Variants in TBX2 observed in about 807,000 individuals in gnomAD.
TBX2 encodes T-box transcription factor 2.
Under a neutral mutation model 48.4 loss-of-function variants are expected in TBX2, and 19 were observed. The observed-to-expected ratio is 0.39, with a 90% CI of 0.27 to 0.58. TBX2 has a LOEUF of 0.58. TBX2 is among the 20% of genes least tolerant of loss of function. TBX2 has a pLI of 0.54. For missense variants in TBX2, 994 were observed against 1,006.5 expected, an observed-to-expected ratio of 0.99 and a Z score of 0.17; for synonymous variants, 522 against 459.7, an observed-to-expected ratio of 1.14 and a Z score of -1.73.
intron 2 of TBX2, 117 bp downstream of exon 2, chr17:61,402,068 G>A (rs2060265920): frequency 7.0e-7 from 1 of 1,433,702 alleles, no homozygotes; most frequent in East Asian, 2.4e-5. Flanking sequence ...AACCCCCAGA[G>A]TGCCCCTGCC....
chr17:61,404,517 A>C lies in TBX2; in HGVS notation c.887+20A>C, dbSNP rs1470300787. 1.2e-6 allele frequency: 2 copies of C among 1,609,226 alleles called. No individual in the cohort carries two copies. Among genetic ancestry groups the C allele is most frequent in the Non-Finnish European group, 8.5e-7 (1 of 1,178,102 alleles). Reference sequence around the variant, plus strand: ...GAAAAGGTGAGAGGCCGAGGACAGCAGCCCTGTGGCGGGTGCCCGCGGGAG... The same window carrying C: ...GAAAAGGTGAGAGGCCGAGGACAGCCGCCCTGTGGCGGGTGCCCGCGGGAG... On this transcript the variant is annotated intron_variant, in intron 4 of 6. Coordinates refer to ENST00000240328, the MANE Select transcript of TBX2 (RefSeq NM_005994.4).
Position 61,401,627 on chromosome 17 carries a change from T to G in TBX2, c.396-57T>G, listed in dbSNP as rs2060264147. On this transcript the variant is annotated intron_variant, in intron 1 of 6. Coordinates refer to ENST00000240328, the MANE Select transcript of TBX2 (RefSeq NM_005994.4). ...AGGGATAAATAAAGGAGGAGTGGGG[T>G]CCTGGAACCTAGAACAGCCGGTTCC... 2.6e-6 allele frequency: 4 copies of G among 1,559,712 alleles called. No homozygotes were observed. The African/African-American group carries it at 5.4e-5, about 21-fold the overall frequency.
At chr17:61,402,973 A>C in intron 2 of TBX2, 88 bp from the exon 3 acceptor site, 1 of 1,108,324 alleles carries the variant, frequency 9.0e-7, no homozygotes, top group Non-Finnish European at 1.2e-6. Flanking sequence ...AGAGAGAGAA[A>C]GTGGAGAGGA....
At chr17:61,402,193 C>G (rs1258228032) in intron 2 of TBX2, among the ~76,000 whole-genome samples, 1 of 152,210 alleles carries the variant, frequency 6.6e-6, no homozygotes, top group African/African-American at 2.4e-5. Context: ...ATCTCAGTTC[C>G]TCAGGCCGTG....
In TBX2 at chr17:61,405,767, C is replaced by T; in HGVS notation, c.1617C>T (p.Pro539=). The change falls in exon 6 of 7, where the codon CCC becomes CCT. Residue 539 remains proline (P), a synonymous_variant. Coordinates refer to ENST00000240328, the MANE Select transcript of TBX2 (RefSeq NM_005994.4). The stretch of plus-strand genomic sequence containing the variant: ...GGCTGGACGCAGGCGGGCTGGGTCC[C>T]GCGGCCAGCGCAGCAAGCACCGCCG... The part of the protein sequence containing the change: ...AAGLDAGGLG[P]AASAASTAAP... The T allele has an allele frequency of 7.5e-7, 1 of 1,332,150 alleles. No individual in the cohort carries two copies. The allele number at this position is 1,332,150 out of a possible 1,614,324, so 82.5% of individuals were successfully genotyped here.
In TBX2 at chr17:61,400,106, C is replaced by T; in HGVS notation, c.-71C>T. On this transcript the variant is annotated 5_prime_UTR_variant, in exon 1 of 7. Coordinates refer to ENST00000240328, the MANE Select transcript of TBX2 (RefSeq NM_005994.4). The surrounding 1 kb of genome is among the most constrained non-coding windows in gnomAD (Gnocchi z 9.2). ...TCCGTCCACCGCGCGCGCCGCCGCC[C>T]GGGCCGGGGGTCCGAGCCGCGCGCC... is the stretch of plus-strand genomic sequence containing the variant. 1.1e-6 allele frequency: 1 copy of T among 877,084 alleles called. No individual in the cohort carries two copies. The highest frequency in any genetic ancestry group is 1.4e-6 in the Non-Finnish European group (1 of 733,740). 54.3% of individuals were successfully genotyped at this position (877,084 alleles called of 1,614,324 possible). A position where few individuals can be genotyped will look rare whatever the true frequency, so the allele number is the denominator to read the frequency against.
chr17:61,401,082 T>C (rs1043475351), intron 1 of TBX2, among the ~76,000 whole-genome samples: 6 of 151,968 alleles, frequency 3.9e-5, no homozygotes, highest in Admixed American at 1.3e-4. Context: ...GGGAGCCCTT[T>C]CTCCACCGCG....
chr17:61,401,525 C>T (rs2060263648), intron 1 of TBX2, among the ~76,000 whole-genome samples, 159 bp from the exon 2 acceptor site: 1 of 152,026 alleles, frequency 6.6e-6, no homozygotes. Flanking sequence ...CAGGTGGGGT[C>T]GTCCGGGCAG....
chr17:61,404,288 C>A, intron 3 of TBX2, 133 bp from the exon 4 acceptor site: 1 of 1,152,170 alleles, frequency 8.7e-7, no homozygotes, highest in Non-Finnish European at 1.2e-6. Context: ...GCGTCCCATC[C>A]CAGGCGGGTG....
chr17:61,408,015 G>A, intron 6 of TBX2, 39 bp from the exon 7 acceptor site: 1 of 1,523,726 alleles, frequency 6.6e-7, no homozygotes. Flanking sequence ...AAGACTTCAG[G>A]CAAGATGTCT....
In TBX2 at chr17:61,408,104, C is replaced by T. The variant is rs2060295979; in HGVS notation, c.1737C>T (p.Tyr579=). Residue 579 remains tyrosine, a synonymous_variant, in exon 7 of 7, where the codon TAC becomes TAT. Coordinates refer to ENST00000240328, the MANE Select transcript of TBX2 (RefSeq NM_005994.4). ...FGGLFPYPYT[Y]MAAAAAAASA... ...GCCTCTTCCCCTACCCCTACACCTA[C>T]ATGGCAGCAGCAGCCGCAGCCGCCT... The T allele has an allele frequency of 6.2e-7, 1 of 1,610,614 alleles. No homozygotes were observed. Among genetic ancestry groups the T allele is most frequent in the South Asian group, 1.1e-5 (1 of 90,680 alleles).
In TBX2 at chr17:61,405,198, G is replaced by A. The variant is rs780284976; in HGVS notation, c.1052-4G>A. On this transcript the variant is annotated splice_polypyrimidine_tract_variant and splice_region_variant and intron_variant, in intron 5 of 6. Transcript: ENST00000240328. The stretch of plus-strand genomic sequence containing the variant: ...CCTGTAATCCGCGCGCCCTCTCCCC[G>A]CAGCTGAGGAGAAGTCGTGCGCCGC... The A allele has an allele frequency of 4.6e-6, 7 of 1,509,766 alleles. No homozygotes were observed. The East Asian group carries it at 1.7e-4, about 36-fold the overall frequency. The allele number at this position is 1,509,766 out of a possible 1,614,324, so 93.5% of individuals were successfully genotyped here.
At chr17:61,402,020 G>C in intron 2 of TBX2, 69 bp downstream of exon 2, 1 of 1,516,576 alleles carries the variant, frequency 6.6e-7, no homozygotes, top group Non-Finnish European at 8.8e-7. Context: ...GAGCAGGAGA[G>C]CAGGGCGGCA....
rs1366967129 is a variant in TBX2, at chr17:61,406,133, G to C, written c.1686+297G>C. Reference sequence around the variant, plus strand: ...CCCTATAGCCCCAGCGAGGAGTGCGGTGCCCATCGAGACTCTTCTCACCCT... The same window carrying C: ...CCCTATAGCCCCAGCGAGGAGTGCGCTGCCCATCGAGACTCTTCTCACCCT... On this transcript the variant is annotated intron_variant, in intron 6 of 6. Coordinates refer to ENST00000240328, the MANE Select transcript of TBX2 (RefSeq NM_005994.4). This position sits in a 1 kb window ranked among gnomAD's most constrained non-coding sequence, Gnocchi z 5.7. 3.1e-6 allele frequency: 1 copy of C among 327,312 alleles called. No individual in the cohort carries two copies. The highest frequency in any genetic ancestry group is 5.5e-6 in the Non-Finnish European group (1 of 180,986). 20.3% of individuals were successfully genotyped at this position (327,312 alleles called of 1,614,324 possible). A position where few individuals can be genotyped will look rare whatever the true frequency, so the allele number is the denominator to read the frequency against.
intron 1 of TBX2, 75 bp from the exon 2 acceptor site, chr17:61,401,605 GATAA>G (rs2060264008): frequency 7.2e-6 from 11 of 1,521,128 alleles, no homozygotes; most frequent in East Asian, 2.3e-5. Context: ...AACGAGGAGG[GATAA>G]ATAAAGGAGG....
rs1439793919 is a variant in TBX2, at chr17:61,404,814, G to C, written c.1051+45G>C. 1.0e-5 allele frequency: 14 copies of C among 1,356,726 alleles called. No homozygotes were observed. The Admixed American group carries it at 1.6e-4, about 15-fold the overall frequency. The allele number at this position is 1,356,726 out of a possible 1,614,324, so 84.0% of individuals were successfully genotyped here. A position where few individuals can be genotyped will look rare whatever the true frequency, so the allele number is the denominator to read the frequency against. On this transcript the variant is annotated intron_variant, in intron 5 of 6. Coordinates refer to ENST00000240328, the MANE Select transcript of TBX2 (RefSeq NM_005994.4). Reference sequence around the variant, plus strand: ...AGGGACAGGGAGGTGGCGGCGGGGGGTCCTCAGGTCGCTGGGCTGGTCTTT... The same window carrying C: ...AGGGACAGGGAGGTGGCGGCGGGGGCTCCTCAGGTCGCTGGGCTGGTCTTT...
intron 5 of TBX2, 52 bp from the exon 6 acceptor site, chr17:61,405,150 G>A (rs2060282660): frequency 2.0e-6 from 3 of 1,468,062 alleles, no homozygotes; most frequent in African/African-American, 2.8e-5. Context: ...CCCTGATCCT[G>A]CTCGTCGGCC....
chr17:61,400,328 C>A lies in TBX2; in HGVS notation c.152C>A (p.Pro51Gln), dbSNP rs757195340. ...LALPPGALAK[P>Q]LPDPGLAGAA... ...CTGCCGCCCGGCGCGCTGGCCAAGC[C>A]GCTGCCCGACCCGGGCCTGGCGGGG... Residue 51 changes from proline (P) to glutamine (Q), a missense_variant, in exon 1 of 7, where the codon CCG (proline) becomes CAG (glutamine). Pro to Gln is a moderately conservative substitution (Grantham distance 76). Coordinates refer to ENST00000240328, the MANE Select transcript of TBX2 (RefSeq NM_005994.4). The surrounding 1 kb of genome is among the most constrained non-coding windows in gnomAD (Gnocchi z 9.2). 2 of 1,019,856 alleles carry A rather than the reference C, an allele frequency of 2.0e-6. No individual in the cohort carries two copies. Among genetic ancestry groups the A allele is most frequent in the African/African-American group, 3.5e-5 (2 of 57,546 alleles). 63.2% of individuals were successfully genotyped at this position (1,019,856 alleles called of 1,614,324 possible).
intron 1 of TBX2, 108 bp from the exon 2 acceptor site, chr17:61,401,576 A>T: frequency 7.0e-7 from 1 of 1,427,900 alleles, no homozygotes; most frequent in Non-Finnish European, 9.3e-7. Context: ...GGAAACAGCC[A>T]GGCGGCAGCG....
Sources: gnomAD v4.1 joint callset for allele counts (sites outside exome capture counted in the v4.1 genomes callset) on GRCh38, gnomAD v4.1.1 for gene constraint, Gnocchi (gnomAD v3.1) non-coding constraint, MANE v1.5 for transcripts, NCBI Gene and HGNC (gene_info 2026-07-23, HGNC 2026-07-21) for gene names.